The following FGGY variants were observed in gnomAD, a reference collection of about 807,000 sequenced individuals.
The protein encoded by FGGY is FGGY carbohydrate kinase domain-containing protein.
FGGY carries 72 observed loss-of-function variants against 71.3 expected under a neutral mutation model. The ratio of observed to expected loss-of-function variants is 1.01; its 90% CI spans 0.84 to 1.23. FGGY has a LOEUF of 1.23. FGGY is among the 50% of genes most tolerant of loss of function. The pLI, the probability that FGGY is intolerant of heterozygous loss-of-function variation, is 0.00. For synonymous variants in FGGY, 251 were observed against 250.3 expected (o/e 1.00, Z -0.02); for missense variants, 668 against 682.3 (o/e 0.98, Z 0.23).
chr1:59,303,011 C>G (rs1022741901), intron 1 of FGGY, among the ~76,000 whole-genome samples: 5 of 152,064 alleles, frequency 3.3e-5, no homozygotes, highest in Admixed American at 3.3e-4. Context: ...TGAGGTATGA[C>G]TGATGAGTAA....
At chr1:59,493,182 C>T (rs1362432617) in intron 6 of FGGY, among the ~76,000 whole-genome samples, 1 of 150,650 alleles carries the variant, frequency 6.6e-6, no homozygotes, top group Non-Finnish European at 1.5e-5. Context: ...AAACCTTGTG[C>T]AGTGTTGGTG....
intron 5 of FGGY, among the ~76,000 whole-genome samples, chr1:59,379,162 A>AACACAC (rs55986439): frequency 0.014 from 2,053 of 143,216 alleles, 37 homozygotes; most frequent in East Asian, 0.044. Context: ...GGAAAAAATA[A>AACACAC]ACACACACAC....
At chr1:59,673,073 A>T (rs536178480) in intron 13 of FGGY, among the ~76,000 whole-genome samples, 1 of 152,314 alleles carries the variant, frequency 6.6e-6, no homozygotes, top group East Asian at 1.9e-4. Context: ...CATGTGCTAG[A>T]TACTGGTCTA....
intron 5 of FGGY, among the ~76,000 whole-genome samples, chr1:59,452,113 A>G (rs1276644968): frequency 6.6e-6 from 1 of 151,322 alleles, no homozygotes; most frequent in Non-Finnish European, 1.5e-5. Context: ...CTCTCTCCTA[A>G]AAAACACAAA....
At chr1:59,580,829 C>T (rs1244956853) in intron 8 of FGGY, among the ~76,000 whole-genome samples, 1 of 152,144 alleles carries the variant, frequency 6.6e-6, no homozygotes, top group Non-Finnish European at 1.5e-5. Context: ...TCATTTTCTT[C>T]AAACATCTTT....
chr1:59,594,840 T>G (rs1453444784), intron 8 of FGGY, among the ~76,000 whole-genome samples: 1 of 152,238 alleles, frequency 6.6e-6, no homozygotes, highest in Non-Finnish European at 1.5e-5. Context: ...AGTTTCATTT[T>G]ATCTTGTCTC....
intron 7 of FGGY, among the ~76,000 whole-genome samples, chr1:59,524,679 C>T (rs552395208): frequency 1.5e-4 from 23 of 152,172 alleles, no homozygotes; most frequent in Admixed American, 1.4e-3. Flanking sequence ...CTACCCACTT[C>T]GGGTCTCCTC....
intron 5 of FGGY, among the ~76,000 whole-genome samples, chr1:59,401,717 A>C (rs1025986451): frequency 1.3e-5 from 2 of 152,258 alleles, no homozygotes; most frequent in African/African-American, 4.8e-5. Context: ...AGTATTGGCC[A>C]GTTAAACTAA....
chr1:59,597,062 A>G (rs1464734500), intron 8 of FGGY, among the ~76,000 whole-genome samples: 1 of 152,156 alleles, frequency 6.6e-6, no homozygotes, highest in East Asian at 1.9e-4. Context: ...GTGTCTATGG[A>G]AAGTTTTGAA....
chr1:59,634,135 A>G (rs1295802054), intron 10 of FGGY, among the ~76,000 whole-genome samples: 1 of 152,204 alleles, frequency 6.6e-6, no homozygotes, highest in South Asian at 2.1e-4. Flanking sequence ...GGCCGGTTGC[A>G]GTGGCTCACA....
intron 2 of FGGY, among the ~76,000 whole-genome samples, chr1:59,322,070 T>C (rs1269590543): frequency 6.6e-6 from 1 of 152,156 alleles, no homozygotes. Context: ...TACCACGCCT[T>C]TAATGTGTGC....
intron 6 of FGGY, among the ~76,000 whole-genome samples, chr1:59,472,104 C>T (rs2092972307): frequency 1.3e-5 from 2 of 152,352 alleles, no homozygotes; most frequent in Admixed American, 1.3e-4. Flanking sequence ...AGCCGGCCCC[C>T]TCAGCTTGCG....
chr1:59,658,377 G>A (rs1572771533), intron 11 of FGGY, among the ~76,000 whole-genome samples: 1 of 152,098 alleles, frequency 6.6e-6, no homozygotes, highest in Non-Finnish European at 1.5e-5. Flanking sequence ...AGTTCTTCTC[G>A]TGTCTCTCAT....
At chr1:59,641,146 A>G in intron 11 of FGGY, 1 of 642,324 alleles carries the variant, frequency 1.6e-6, no homozygotes, top group East Asian at 2.7e-5. Context: ...TATGTGCAGT[A>G]TTCTAGAGGG....
intron 9 of FGGY, among the ~76,000 whole-genome samples, chr1:59,625,265 T>C (rs2096845094): frequency 1.3e-5 from 2 of 152,124 alleles, no homozygotes; most frequent in Non-Finnish European, 2.9e-5. Flanking sequence ...AACATTTCTG[T>C]CCCTGATACA....
At chr1:59,733,464 T>TTTTTG (rs1553437761) in intron 14 of FGGY, among the ~76,000 whole-genome samples, 4 of 144,638 alleles carry the variant, frequency 2.8e-5, no homozygotes, top group African/African-American at 1.1e-4. Context: ...TTGTTTTGTT[T>TTTTTG]TTTTGTTTTG....
chr1:59,529,539 T>C (rs1417223683), intron 7 of FGGY, among the ~76,000 whole-genome samples: 1 of 152,122 alleles, frequency 6.6e-6, no homozygotes, highest in Non-Finnish European at 1.5e-5. Context: ...GGCACTGAGA[T>C]GAGGTCGTGG....
At position 59,508,909 on chromosome 1, in the gene FGGY, A is replaced by G. The variant is rs79431538; in HGVS notation, c.671-3402A>G. Among the ~76,000 whole-genome samples, 726 of 152,252 alleles carry G rather than the reference A, an allele frequency of 4.8e-3. 8 individuals carry two copies. Among genetic ancestry groups the G allele is most frequent in the African/African-American group, 0.017 (701 of 41,554 alleles). ...GGGATGGTTGGCTGTGAAAGAAGGA[A>G]GAGAGAGAAGGACTGGGTAGAGGGA... On this transcript the variant is annotated intron_variant, in intron 6 of 15. Coordinates refer to ENST00000303721, the MANE Select transcript of FGGY (RefSeq NM_018291.5).
In FGGY at chr1:59,461,812, A is replaced by G. The variant is rs2092252391; in HGVS notation, c.670+4736A>G. On this transcript the variant is annotated intron_variant, in intron 6 of 15. Coordinates refer to ENST00000303721, the MANE Select transcript of FGGY (RefSeq NM_018291.5). ...TTTGTTTTGTTTTTTATTTTATTGT[A>G]TTTTATTTTTTTCTTCTATTATTAT... Among the ~76,000 whole-genome samples the G allele has an allele frequency of 2.0e-5, 3 of 151,734 alleles. No homozygotes were observed. In the South Asian group the frequency reaches 6.2e-4, roughly 32 times the overall value.
Sources: gnomAD v4.1 joint callset for allele counts (sites outside exome capture counted in the v4.1 genomes callset) on GRCh38, gnomAD v4.1.1 for gene constraint, MANE v1.5 for transcripts, NCBI Gene and HGNC (gene_info 2026-07-23, HGNC 2026-07-21) for gene names.